The following MAP3K13 variants were observed in gnomAD, a reference collection of about 807,000 sequenced individuals.
The protein encoded by MAP3K13 is mitogen-activated protein kinase kinase kinase 13.
A neutral mutation model predicts 104.0 loss-of-function variants in MAP3K13; 52 were observed. That is an observed-to-expected ratio of 0.50 (90% CI 0.40 to 0.63). The LOEUF is 0.63. MAP3K13 is among the 20% of genes least tolerant of loss of function. MAP3K13 has a pLI of 0.00. For missense variants in MAP3K13, 914 were observed against 1,218.5 expected (o/e 0.75, Z 3.72); for synonymous variants, 394 against 442.2 (o/e 0.89, Z 1.37).
intron 7 of MAP3K13, among the ~76,000 whole-genome samples, chr3:185,463,244 C>T (rs990230532): frequency 1.3e-5 from 2 of 152,276 alleles, no homozygotes; most frequent in East Asian, 1.9e-4. Context: ...TTAAAGTGAA[C>T]TCTTTTATTC....
At chr3:185,393,710 G>T (rs538963242) in intron 1 of MAP3K13, among the ~76,000 whole-genome samples, 1 of 152,012 alleles carries the variant, frequency 6.6e-6, no homozygotes, top group Non-Finnish European at 1.5e-5. Flanking sequence ...CACCCGCCTC[G>T]GCCTCCAAAG....
At position 185,428,747 on chromosome 3, in the gene MAP3K13, C is replaced by G. The variant is rs370299399; in HGVS notation, c.166C>G (p.Leu56Val). 7 of 1,614,054 alleles carry G rather than the reference C, an allele frequency of 4.3e-6. No homozygotes were observed. The highest frequency in any genetic ancestry group is 2.2e-5 in the East Asian group (1 of 44,902). ...GGAAAAGGGGATGGTACGAACAGAG[C>G]TAATCGAGAGCGTGCACAGCCCCGT... Reference protein sequence around the residue: ...QQEKGMVRTELIESVHSPVTT... With the variant: ...QQEKGMVRTEVIESVHSPVTT... Residue 56 changes from leucine to valine, a missense_variant, in exon 2 of 14, where the codon CTA becomes GTA. By Grantham distance (32) the Leu-to-Val change is conservative. Around this residue, in one of 3 missense-constraint regions of MAP3K13, gnomAD observed 156 missense variants for 159.8 expected, o/e 0.98. Coordinates refer to ENST00000265026, the MANE Select transcript of MAP3K13 (RefSeq NM_004721.5).
Position 185,473,029 on chromosome 3 carries a change from A to G in MAP3K13, c.1698A>G (p.Ala566=). ...GIPTTEVAPT[A]SPLSGSPKMS... The stretch of plus-strand genomic sequence containing the variant: ...CCACCACAGAAGTGGCTCCCACTGC[A>G]TCCCCTTTGTCCGGAAGTCCCAAAA... Residue 566 remains alanine (A), a synonymous_variant, in exon 11 of 14, where the codon GCA becomes GCG. Transcript: ENST00000265026. The surrounding 1 kb of genome is among the most constrained non-coding windows in gnomAD (Gnocchi z 4.9). 6.2e-7 allele frequency: 1 copy of G among 1,614,192 alleles called. No homozygotes were observed. Among genetic ancestry groups the G allele is most frequent in the South Asian group, 1.1e-5 (1 of 91,086 alleles).
intron 2 of MAP3K13, among the ~76,000 whole-genome samples, chr3:185,300,465 C>T (rs1219221953): frequency 2.6e-5 from 4 of 151,610 alleles, no homozygotes; most frequent in Non-Finnish European, 5.9e-5. Context: ...TGAGCCACCA[C>T]GCCCGGCCCT....
chr3:185,321,288 G>A (rs537426716), intron 2 of MAP3K13, among the ~76,000 whole-genome samples: 15 of 152,170 alleles, frequency 9.9e-5, no homozygotes, highest in African/African-American at 2.9e-4. Context: ...CCATGCTCTC[G>A]TGTTTTACAT....
rs6779311 is a variant in MAP3K13 at position 185,368,458 on chromosome 3, T to C, written c.-86+5090T>C. ...ATGGGCAAAGAAAGAGTAAGGTAAG[T>C]TAGATGTTGGGGGTTATATAGGGTT... On this transcript the variant is annotated intron_variant, in intron 1 of 13. Coordinates refer to ENST00000265026, the MANE Select transcript of MAP3K13 (RefSeq NM_004721.5). 1.9e-3 allele frequency among the ~76,000 whole-genome samples: 293 copies of C among 152,134 alleles called. 4 individuals carry two copies. Among genetic ancestry groups the C allele is most frequent in the African/African-American group, 6.6e-3 (275 of 41,484 alleles).
chr3:185,453,882 G>T lies in MAP3K13; in HGVS notation c.1278+2487G>T, dbSNP rs191044227. On this transcript the variant is annotated intron_variant, in intron 7 of 13. Transcript: ENST00000265026. ...ATATATATATGATACATATATATGA[G>T]ATATATATGTGATACATATATATGA... Among the ~76,000 whole-genome samples the T allele has an allele frequency of 4.1e-4, 30 of 72,470 alleles. 1 individual carries two copies. Among genetic ancestry groups the T allele is most frequent in the African/African-American group, 1.4e-3 (25 of 17,910 alleles). 47.5% of individuals were successfully genotyped at this position (72,470 alleles called of 152,430 possible).
At chr3:185,319,967 G>C (rs1195616068) in intron 2 of MAP3K13, among the ~76,000 whole-genome samples, 1 of 152,126 alleles carries the variant, frequency 6.6e-6, no homozygotes, top group Non-Finnish European at 1.5e-5. Context: ...TATGAGAGCT[G>C]TAATTCTGTC....
At chr3:185,458,714 T>C (rs1235890135) in intron 7 of MAP3K13, among the ~76,000 whole-genome samples, 1 of 152,214 alleles carries the variant, frequency 6.6e-6, no homozygotes, top group Non-Finnish European at 1.5e-5. Context: ...TATCAATCAA[T>C]AGTTGTTAGC....
rs376092721 is a variant in MAP3K13 at position 185,473,008 on chromosome 3, C to G, written c.1677C>G (p.Thr559=). 58 of 1,614,142 alleles carry G rather than the reference C, an allele frequency of 3.6e-5. No individual in the cohort carries two copies. The South Asian group carries it at 6.1e-4, about 17-fold the overall frequency. The stretch of plus-strand genomic sequence containing the variant: ...TGTTGAGATCAGAAGGGATCCCCAC[C>G]ACAGAAGTGGCTCCCACTGCATCCC... The part of the protein sequence containing the change: ...PDLLRSEGIP[T]TEVAPTASPL... Residue 559 remains threonine (T), a synonymous_variant, in exon 11 of 14, where the codon ACC becomes ACG. Transcript: ENST00000265026. This position sits in a 1 kb window ranked among gnomAD's most constrained non-coding sequence, Gnocchi z 4.9.
intron 1 of MAP3K13, among the ~76,000 whole-genome samples, chr3:185,368,906 C>T (rs552153734): frequency 8.0e-5 from 12 of 150,336 alleles, no homozygotes; most frequent in South Asian, 2.1e-4. Context: ...TTGCGGTGAG[C>T]CGAGATTGCA....
At chr3:185,469,692 A>G (rs1577614015) in intron 10 of MAP3K13, among the ~76,000 whole-genome samples, 1 of 152,160 alleles carries the variant, frequency 6.6e-6, no homozygotes. Context: ...TGGCTGTTCA[A>G]TGTGTGGCCT....
At chr3:185,305,120 G>C (rs1191900852) in intron 2 of MAP3K13, among the ~76,000 whole-genome samples, 1 of 152,060 alleles carries the variant, frequency 6.6e-6, no homozygotes, top group Non-Finnish European at 1.5e-5. Context: ...ATTATTGTTA[G>C]GGAAGGACTT....
At position 185,424,019 on chromosome 3, in the gene MAP3K13, T is replaced by C. The variant is rs116611187; in HGVS notation, c.-85-4478T>C. On this transcript the variant is annotated intron_variant, in intron 1 of 13. Coordinates refer to ENST00000265026, the MANE Select transcript of MAP3K13 (RefSeq NM_004721.5). ...TGTAGAACGGAATATGGCTCACTTG[T>C]CATGGGGGATGATGGCAGGAGGTTA... 3.2e-3 allele frequency among the ~76,000 whole-genome samples: 486 copies of C among 152,318 alleles called. 5 individuals carry two copies. Among genetic ancestry groups the C allele is most frequent in the African/African-American group, 0.011 (453 of 41,564 alleles).
At chr3:185,313,570 A>G (rs1364914417) in intron 2 of MAP3K13, among the ~76,000 whole-genome samples, 20 of 152,030 alleles carry the variant, frequency 1.3e-4, no homozygotes, top group Non-Finnish European at 4.4e-5. Flanking sequence ...CACCCTGCCA[A>G]TAGTACAATT....
intron 2 of MAP3K13, among the ~76,000 whole-genome samples, chr3:185,288,152 G>C (rs1720595603): frequency 1.3e-5 from 2 of 152,136 alleles, no homozygotes; most frequent in African/African-American, 4.8e-5. Context: ...CCTTATTCTT[G>C]CTAAGTGAAT....
chr3:185,314,347 G>A (rs1469176906), intron 2 of MAP3K13, among the ~76,000 whole-genome samples: 1 of 152,206 alleles, frequency 6.6e-6, no homozygotes, highest in African/African-American at 2.4e-5. Flanking sequence ...TGGGGGCAGT[G>A]GCTCACGCCT....
chr3:185,316,169 G>C (rs887479480), intron 2 of MAP3K13, among the ~76,000 whole-genome samples: 1 of 151,998 alleles, frequency 6.6e-6, no homozygotes, highest in African/African-American at 2.4e-5. Context: ...AAGAAGAGAT[G>C]TTCTTGAAAT....
At chr3:185,322,677 T>C (rs1721908196) in intron 2 of MAP3K13, among the ~76,000 whole-genome samples, 1 of 152,174 alleles carries the variant, frequency 6.6e-6, no homozygotes, top group South Asian at 2.1e-4. Context: ...CTTCACACTT[T>C]GCCTTTATAA....
Sources: gnomAD v4.1 joint callset for allele counts (sites outside exome capture counted in the v4.1 genomes callset) on GRCh38, gnomAD v4.1.1 for gene constraint, gnomAD v4.1.1 regional missense constraint, Gnocchi (gnomAD v3.1) non-coding constraint, MANE v1.5 for transcripts, NCBI Gene and HGNC (gene_info 2026-07-23, HGNC 2026-07-21) for gene names.